FERRY3: variants seen among roughly 807,000 people sequenced by gnomAD.
FERRY3 encodes the protein protein C12orf4.
the FERRY3 span, among the ~76,000 whole-genome samples, chr12:4,493,218 G>T: frequency 6.6e-6 from 1 of 152,016 alleles, no homozygotes; most frequent in Non-Finnish European, 1.5e-5. Flanking sequence ...TGTCGTTTTT[G>T]GGGAGGAGGG....
the FERRY3 span, among the ~76,000 whole-genome samples, chr12:4,529,494 T>TGA: frequency 1.3e-5 from 2 of 152,150 alleles, no homozygotes; most frequent in African/African-American, 4.8e-5. Context: ...AGCAAAAACT[T>TGA]CTTCATCTGT....
At chr12:4,514,227 T>C in the FERRY3 span, among the ~76,000 whole-genome samples, 1 of 149,820 alleles carries the variant, frequency 6.7e-6, no homozygotes, top group African/African-American at 2.5e-5. Context: ...ATGGCAATCA[T>C]TAAAAAGTCA....
chr12:4,518,997 A>T, the FERRY3 span: 1 of 591,102 alleles, frequency 1.7e-6, no homozygotes, highest in Non-Finnish European at 2.7e-6. Flanking sequence ...TTTTTCCTAA[A>T]CTCATCCTTA....
the FERRY3 span, chr12:4,505,469 C>G: frequency 1.2e-6 from 1 of 848,956 alleles, no homozygotes; most frequent in Admixed American, 2.2e-5. Context: ...ACAACAACAG[C>G]AAAAATTCAC....
the FERRY3 span, among the ~76,000 whole-genome samples, chr12:4,525,948 T>G: frequency 1.3e-5 from 2 of 152,210 alleles, no homozygotes; most frequent in Non-Finnish European, 2.9e-5. Context: ...AATTTCAGCT[T>G]AAATGGATTT....
At chr12:4,522,163 C>T in the FERRY3 span, among the ~76,000 whole-genome samples, 4,351 of 152,160 alleles carry the variant, frequency 0.029, 181 homozygotes, top group African/African-American at 0.099. Flanking sequence ...GTAGGTCAGG[C>T]GGTAAATCTT....
the FERRY3 span, among the ~76,000 whole-genome samples, chr12:4,510,468 G>C: frequency 7.7e-6 from 1 of 129,374 alleles, no homozygotes; most frequent in Admixed American, 7.8e-5. Flanking sequence ...TTGAAATGAA[G>C]GAAAAAATGT....
At chr12:4,488,583 A>G in the FERRY3 span, 1 of 152,236 alleles carries the variant, frequency 6.6e-6, no homozygotes, top group African/African-American at 2.4e-5. This position sits in a 1 kb window ranked among gnomAD's most constrained non-coding sequence, Gnocchi z 4.9. Flanking sequence ...TCCCTCGAGT[A>G]GAAAATTAAG....
At chr12:4,491,142 C>T in the FERRY3 span, 3 of 1,600,562 alleles carry the variant, frequency 1.9e-6, no homozygotes, top group Non-Finnish European at 2.6e-6. Flanking sequence ...GGAGGAAATA[C>T]AGGTGGTGGT....
the FERRY3 span, among the ~76,000 whole-genome samples, chr12:4,505,687 T>C: frequency 1.3e-5 from 2 of 152,244 alleles, no homozygotes; most frequent in Non-Finnish European, 2.9e-5. Flanking sequence ...TTAATTCACA[T>C]ACTCAGATTA....
the FERRY3 span, chr12:4,518,295 C>T: frequency 1.3e-6 from 2 of 1,566,772 alleles, no homozygotes; most frequent in Non-Finnish European, 1.8e-6. Flanking sequence ...ACTTAAGCAG[C>T]TACAGAAAGT....
chr12:4,503,966 G>A, the FERRY3 span, among the ~76,000 whole-genome samples: 1 of 152,194 alleles, frequency 6.6e-6, no homozygotes, highest in Non-Finnish European at 1.5e-5. Flanking sequence ...GATCCATGAA[G>A]AGAAATACAA....
chr12:4,487,968 T>G, the FERRY3 span: 2 of 152,216 alleles, frequency 1.3e-5, no homozygotes, highest in Admixed American at 6.5e-5. Flanking sequence ...CCTCAATTAC[T>G]GCATCACTAA....
At chr12:4,524,584 C>A in the FERRY3 span, among the ~76,000 whole-genome samples, 1 of 152,006 alleles carries the variant, frequency 6.6e-6, no homozygotes, top group South Asian at 2.1e-4. Flanking sequence ...ATAGCATACA[C>A]TGGCATATGC....
the FERRY3 span, among the ~76,000 whole-genome samples, chr12:4,524,095 T>C: frequency 6.6e-6 from 1 of 152,068 alleles, no homozygotes; most frequent in South Asian, 2.1e-4. Flanking sequence ...AGCATGATCA[T>C]AAAGGGATAA....
At chr12:4,488,857 G>T in the FERRY3 span, 1 of 152,108 alleles carries the variant, frequency 6.6e-6, no homozygotes, top group African/African-American at 2.4e-5. This position sits in a 1 kb window ranked among gnomAD's most constrained non-coding sequence, Gnocchi z 4.9. Flanking sequence ...ATTTAAATAT[G>T]TTATAGATGG....
chr12:4,507,625 T>G, the FERRY3 span, among the ~76,000 whole-genome samples: 4 of 152,310 alleles, frequency 2.6e-5, no homozygotes, highest in East Asian at 7.7e-4. Context: ...TTACTACTTA[T>G]AGTAACAAAA....
At chr12:4,518,190 G>A in the FERRY3 span, 8 of 1,614,088 alleles carry the variant, frequency 5.0e-6, no homozygotes, top group South Asian at 5.5e-5. Context: ...TTTCTTTTAT[G>A]CTTACAGAAG....
chr12:4,528,094 A>G, the FERRY3 span, among the ~76,000 whole-genome samples: 5,516 of 152,214 alleles, frequency 0.036, 332 homozygotes, highest in African/African-American at 0.12. Flanking sequence ...GCTGCAAGTT[A>G]GAGTCACTCA....
Sources: allele counts gnomAD v4.1 joint callset (sites outside exome capture counted in the v4.1 genomes callset), GRCh38; gene constraint gnomAD v4.1.1; non-coding constraint Gnocchi (gnomAD v3.1); transcripts MANE v1.5; gene names NCBI Gene and HGNC (gene_info 2026-07-23, HGNC 2026-07-21).